The following LTAP1 variants were observed in gnomAD, a reference collection of about 807,000 sequenced individuals.
The protein encoded by LTAP1 is lipid transport auxiliary protein 1, also known as HCV NS5A-transactivated protein 4.
At chr1:154,209,672 C>T in the LTAP1 span, among the ~76,000 whole-genome samples, 3 of 151,898 alleles carry the variant, frequency 2.0e-5, no homozygotes, top group South Asian at 2.1e-4. Flanking sequence ...CTGCAAGCTC[C>T]GCCTCCTGGG....
At chr1:154,216,247 C>G in the LTAP1 span, among the ~76,000 whole-genome samples, 5 of 152,040 alleles carry the variant, frequency 3.3e-5, no homozygotes, top group Non-Finnish European at 5.9e-5. Flanking sequence ...TATCGTGTCA[C>G]CCTAAAAAAG....
chr1:154,216,345 T>C, the LTAP1 span, among the ~76,000 whole-genome samples: 1 of 151,500 alleles, frequency 6.6e-6, no homozygotes, highest in Non-Finnish European at 1.5e-5. Flanking sequence ...AAAAAATTTT[T>C]TTTTTTTGAG....
At chr1:154,209,738 C>G in the LTAP1 span, among the ~76,000 whole-genome samples, 1 of 151,968 alleles carries the variant, frequency 6.6e-6, no homozygotes, top group Admixed American at 6.6e-5. Flanking sequence ...AGGCACCCGC[C>G]ACCACGCCCG....
chr1:154,210,064 GAC>G, the LTAP1 span, among the ~76,000 whole-genome samples: 1 of 151,672 alleles, frequency 6.6e-6, no homozygotes, highest in Non-Finnish European at 1.5e-5. Context: ...ATCTTTTCGA[GAC>G]AGACTCTTGC....
the LTAP1 span, among the ~76,000 whole-genome samples, chr1:154,217,248 A>G: frequency 6.6e-6 from 1 of 152,144 alleles, no homozygotes; most frequent in African/African-American, 2.4e-5. Context: ...CGCACCCAGC[A>G]AAATTTTTCA....
the LTAP1 span, among the ~76,000 whole-genome samples, chr1:154,211,170 A>T: frequency 1.3e-4 from 17 of 135,874 alleles, 1 homozygote; most frequent in Non-Finnish European, 1.5e-5. Context: ...ATGCCCAGCT[A>T]ATTTTTGTAT....
At chr1:154,214,480 T>G in the LTAP1 span, 1 of 1,613,578 alleles carries the variant, frequency 6.2e-7, no homozygotes, top group Non-Finnish European at 8.5e-7. Flanking sequence ...GGTTTCCAGT[T>G]GTAGTAGTCT....
chr1:154,217,762 G>A, the LTAP1 span, among the ~76,000 whole-genome samples: 1 of 151,704 alleles, frequency 6.6e-6, no homozygotes, highest in African/African-American at 2.4e-5. Context: ...TGCCCAACTC[G>A]GCCTCCCTAA....
chr1:154,209,574 G>T, the LTAP1 span, among the ~76,000 whole-genome samples: 1 of 151,246 alleles, frequency 6.6e-6, no homozygotes, highest in Admixed American at 6.6e-5. Context: ...ACAGGTAGGT[G>T]GTCGCCACCA....
the LTAP1 span, among the ~76,000 whole-genome samples, chr1:154,218,956 A>G: frequency 6.6e-6 from 1 of 152,250 alleles, no homozygotes; most frequent in Admixed American, 6.5e-5. Flanking sequence ...TAAGATCAAA[A>G]GAATGAATGA....
the LTAP1 span, chr1:154,214,337 C>T: frequency 9.7e-3 from 6,949 of 719,624 alleles, 301 homozygotes; most frequent in African/African-American, 0.098. Flanking sequence ...CTGCATCTAA[C>T]ATATATCCAA....
the LTAP1 span, chr1:154,212,313 A>G: frequency 1.2e-6 from 2 of 1,614,026 alleles, no homozygotes; most frequent in South Asian, 2.2e-5. Context: ...TTCCCCTCCA[A>G]ACTCACGCAG....
the LTAP1 span, chr1:154,213,883 T>C: frequency 1.9e-3 from 3,040 of 1,611,264 alleles, 4 homozygotes; most frequent in Non-Finnish European, 1.8e-3. Context: ...CCCTGTCAGG[T>C]AGCCCTTACC....
At chr1:154,219,992 T>G in the LTAP1 span, 15 of 1,449,562 alleles carry the variant, frequency 1.0e-5, no homozygotes, top group African/African-American at 1.4e-5. Flanking sequence ...GTTTTGTTTT[T>G]TTTTTAAAAA....
At chr1:154,216,569 G>C in the LTAP1 span, among the ~76,000 whole-genome samples, 1 of 151,724 alleles carries the variant, frequency 6.6e-6, no homozygotes, top group South Asian at 2.1e-4. Flanking sequence ...ACAGTGGCAT[G>C]ATCTTGGCTC....
chr1:154,219,807 T>C, the LTAP1 span: 3 of 1,468,442 alleles, frequency 2.0e-6, no homozygotes, highest in Admixed American at 4.1e-5. Context: ...TCTGGAGAAG[T>C]ATGTTTAACT....
the LTAP1 span, among the ~76,000 whole-genome samples, chr1:154,210,185 T>C: frequency 6.6e-6 from 1 of 152,014 alleles, no homozygotes; most frequent in Non-Finnish European, 1.5e-5. Context: ...ATTACAGGCA[T>C]GTGCCACCAC....
the LTAP1 span, among the ~76,000 whole-genome samples, chr1:154,214,208 G>A: frequency 6.6e-6 from 1 of 152,166 alleles, no homozygotes; most frequent in Non-Finnish European, 1.5e-5. Context: ...ACAAGGGGGT[G>A]GAGGTTGCAG....
the LTAP1 span, chr1:154,213,793 T>C: frequency 3.2e-6 from 3 of 923,424 alleles, no homozygotes; most frequent in Non-Finnish European, 5.1e-6. Flanking sequence ...GCCAGGGATG[T>C]GCAGAAAGGA....
Sources: gnomAD v4.1 joint callset for allele counts (sites outside exome capture counted in the v4.1 genomes callset) on GRCh38, gnomAD v4.1.1 for gene constraint, MANE v1.5 for transcripts, NCBI Gene and HGNC (gene_info 2026-07-23, HGNC 2026-07-21) for gene names.